Variants in COL19A1 observed in about 807,000 individuals in gnomAD.
The protein encoded by COL19A1 is collagen type XIX alpha 1 chain, also known as collagen alpha-1(XIX) chain.
In COL19A1, 159 loss-of-function variants were observed where a neutral mutation model predicts 190.2. That is an observed-to-expected ratio of 0.84 (90% confidence interval 0.73 to 0.95). The LOEUF (loss-of-function observed/expected upper bound fraction) is 0.95, where lower values mean the gene tolerates loss of function less well. Among genes scored for constraint, COL19A1 ranks in the 40% least tolerant of loss-of-function variants. The pLI, the probability that COL19A1 is intolerant of heterozygous loss-of-function variation, is 0.00. For synonymous variants in COL19A1, 509 were observed against 458.9 expected (o/e 1.11, Z -1.39); for missense variants, 1,418 against 1,431.9 (o/e 0.99, Z 0.16).
chr6:69,894,473 A>G (rs1769580648), intron 2 of COL19A1, among the ~76,000 whole-genome samples: 1 of 152,208 alleles, frequency 6.6e-6, no homozygotes, highest in Non-Finnish European at 1.5e-5. Context: ...TAATTTCTCA[A>G]AGATTAAAGT....
At chr6:69,945,504 G>T (rs1002561500) in intron 9 of COL19A1, among the ~76,000 whole-genome samples, 1 of 151,922 alleles carries the variant, frequency 6.6e-6, no homozygotes, top group African/African-American at 2.4e-5. Context: ...ACCAAAATAC[G>T]TTCATAATTT....
At chr6:70,026,049 G>A (rs1028362498) in intron 12 of COL19A1, among the ~76,000 whole-genome samples, 36 of 152,244 alleles carry the variant, frequency 2.4e-4, no homozygotes, top group African/African-American at 7.0e-4. Context: ...CTGAGATAGA[G>A]GAGCAAAACA....
intron 4 of COL19A1, among the ~76,000 whole-genome samples, chr6:69,920,415 G>A (rs1051888204): frequency 4.6e-5 from 7 of 152,118 alleles, no homozygotes; most frequent in African/African-American, 1.7e-4. Context: ...TTATATTTCT[G>A]CAACATTGAA....
chr6:69,914,795 A>T (rs2149991110), intron 4 of COL19A1, among the ~76,000 whole-genome samples: 1 of 152,304 alleles, frequency 6.6e-6, no homozygotes, highest in African/African-American at 2.4e-5. Context: ...AACTTTTTAA[A>T]CACTTTGCTA....
At chr6:70,165,654 G>A (rs1765101746) in intron 36 of COL19A1, among the ~76,000 whole-genome samples, 1 of 152,102 alleles carries the variant, frequency 6.6e-6, no homozygotes, top group Admixed American at 6.5e-5. Flanking sequence ...GGAAGTCCAG[G>A]ACATGAGCAC....
At chr6:70,045,874 A>C (rs749387491) in intron 14 of COL19A1, among the ~76,000 whole-genome samples, 11 of 152,184 alleles carry the variant, frequency 7.2e-5, no homozygotes, top group Non-Finnish European at 1.2e-4. Context: ...AAACATCTTA[A>C]AAACAGAAAA....
In COL19A1 at chr6:70,156,315, G is replaced by A; in HGVS notation, c.2185-1G>A. 6.2e-7 allele frequency: 1 copy of A among 1,613,292 alleles called. No homozygotes were observed. Among genetic ancestry groups the A allele is most frequent in the Non-Finnish European group, 8.5e-7 (1 of 1,179,530 alleles). On this transcript the variant is annotated splice_acceptor_variant, in intron 32 of 50. Transcript: ENST00000620364. LOFTEE classifies it high-confidence loss of function. ...AGTTCTGTTCTTCCTCTGTCTTCTA[G>A]GGTGATATAGGGCCACGGGGTCCTC...
chr6:70,197,550 G>A (rs1167849129), intron 48 of COL19A1, among the ~76,000 whole-genome samples: 6 of 152,152 alleles, frequency 3.9e-5, no homozygotes, highest in Non-Finnish European at 5.9e-5. Flanking sequence ...ATAATTTGAT[G>A]TAATAAAGAT....
intron 9 of COL19A1, among the ~76,000 whole-genome samples, chr6:69,945,301 T>C (rs921315827): frequency 1.3e-5 from 2 of 152,032 alleles, no homozygotes; most frequent in African/African-American, 4.8e-5. Flanking sequence ...CTTATTTGAC[T>C]TCTTAGTCAG....
At chr6:70,172,167 C>A (rs566301045) in intron 41 of COL19A1, 150 bp downstream of exon 41, 18 of 635,688 alleles carry the variant, frequency 2.8e-5, no homozygotes, top group East Asian at 1.2e-4. Context: ...TACATTCTAG[C>A]AAAAGGATAT....
At chr6:70,114,920 A>G (rs1159147735) in intron 16 of COL19A1, among the ~76,000 whole-genome samples, 2 of 152,220 alleles carry the variant, frequency 1.3e-5, no homozygotes, top group African/African-American at 4.8e-5. Flanking sequence ...TTTTGTATTG[A>G]CCAATGAATG....
At chr6:70,096,107 G>A (rs1180977213) in intron 15 of COL19A1, among the ~76,000 whole-genome samples, 3 of 146,050 alleles carry the variant, frequency 2.1e-5, no homozygotes, top group African/African-American at 7.7e-5. Context: ...TTTGAGAGAG[G>A]GTCTCACTCT....
chr6:69,954,661 G>A (rs1774309820), intron 9 of COL19A1, among the ~76,000 whole-genome samples: 1 of 151,986 alleles, frequency 6.6e-6, no homozygotes, highest in Non-Finnish European at 1.5e-5. Flanking sequence ...CTTGGAGAAA[G>A]TATGCTCTTC....
In COL19A1 at chr6:69,937,007, T is replaced by G. The variant is rs116629691; in HGVS notation, c.873+97T>G. 6,775 of 1,501,644 alleles carry G rather than the reference T, an allele frequency of 4.5e-3. 118 individuals carry two copies. Among genetic ancestry groups the G allele is most frequent in the African/African-American group, 0.037 (2,685 of 71,874 alleles). 93.0% of individuals were successfully genotyped at this position (1,501,644 alleles called of 1,614,324 possible). On this transcript the variant is annotated intron_variant, in intron 8 of 50. Transcript: ENST00000620364. The stretch of plus-strand genomic sequence containing the variant: ...CTGTTCACAGAATGTGTCTTGCCAT[T>G]CAGTGTTTGTTGAAGTAAATACCTC...
chr6:70,102,096 C>T, intron 15 of COL19A1, 73 bp from the exon 16 acceptor site: 1 of 1,140,228 alleles, frequency 8.8e-7, no homozygotes, highest in South Asian at 1.2e-5. Flanking sequence ...TTCAATATTC[C>T]CATTTAATAT....
At chr6:70,121,730 G>A (rs1048025589) in intron 16 of COL19A1, 150 bp from the exon 17 acceptor site, 40 of 542,268 alleles carry the variant, frequency 7.4e-5, no homozygotes, top group East Asian at 6.9e-4. Context: ...GTTAATGCCC[G>A]TGTATTTCTC....
intron 9 of COL19A1, among the ~76,000 whole-genome samples, chr6:69,958,404 G>A (rs1582523601): frequency 6.6e-6 from 1 of 152,240 alleles, no homozygotes; most frequent in South Asian, 2.1e-4. Context: ...CTTCTGTGAT[G>A]AGTAACAGGA....
At chr6:70,205,676 A>G (rs1015408088) in intron 49 of COL19A1, among the ~76,000 whole-genome samples, 1 of 152,232 alleles carries the variant, frequency 6.6e-6, no homozygotes, top group African/African-American at 2.4e-5. Flanking sequence ...CAAACAAAGT[A>G]TTACATGGGT....
At chr6:70,129,347 T>A (rs1443971361) in intron 17 of COL19A1, among the ~76,000 whole-genome samples, 1 of 152,200 alleles carries the variant, frequency 6.6e-6, no homozygotes, top group Non-Finnish European at 1.5e-5. Context: ...TTGGCCAATT[T>A]TAGCTACATT....
Sources: gnomAD v4.1 joint callset for allele counts (sites outside exome capture counted in the v4.1 genomes callset) on GRCh38, gnomAD v4.1.1 for gene constraint, MANE v1.5 for transcripts, NCBI Gene and HGNC (gene_info 2026-07-23, HGNC 2026-07-21) for gene names.